The following CTNNA2 variants were observed in gnomAD, a reference collection of about 807,000 sequenced individuals.
CTNNA2 encodes the protein catenin alpha-2.
CTNNA2 carries 42 observed loss-of-function variants against 101.0 expected under a neutral mutation model. The observed-to-expected ratio is 0.42, with a 90% CI of 0.32 to 0.54. The LOEUF (loss-of-function observed/expected upper bound fraction) is 0.54, where lower values mean the gene tolerates loss of function less well. Ranked by LOEUF, CTNNA2 falls within the 20% of genes least tolerant of loss-of-function variation. CTNNA2 has a pLI of 0.14. For missense variants in CTNNA2, 871 were observed against 1,223.1 expected (o/e 0.71, Z 4.29); for synonymous variants, 450 against 456.4 (o/e 0.99, Z 0.18).
chr2:80,043,396 C>T (rs187885767), intron 7 of CTNNA2, among the ~76,000 whole-genome samples: 96 of 152,048 alleles, frequency 6.3e-4, no homozygotes, highest in Non-Finnish European at 9.4e-4. Context: ...CAGCATTTCA[C>T]CATGTTGGCC....
At chr2:79,522,349 T>C (rs1672162209) in intron 1 of CTNNA2, among the ~76,000 whole-genome samples, 1 of 152,142 alleles carries the variant, frequency 6.6e-6, no homozygotes, top group Non-Finnish European at 1.5e-5. Flanking sequence ...GAAACCACTG[T>C]TTTGAGGGGC....
chr2:79,277,902 C>T (rs1675255280), intron 2 of CTNNA2, among the ~76,000 whole-genome samples: 1 of 152,032 alleles, frequency 6.6e-6, no homozygotes, highest in African/African-American at 2.4e-5. Context: ...TGCTCCAAAG[C>T]CCTCTAGAGG....
chr2:80,252,007 T>G (rs1388241414), intron 7 of CTNNA2, among the ~76,000 whole-genome samples: 1 of 152,198 alleles, frequency 6.6e-6, no homozygotes, highest in Non-Finnish European at 1.5e-5. Flanking sequence ...GCTTGCAAAT[T>G]GTTAAATTTT....
intron 2 of CTNNA2, among the ~76,000 whole-genome samples, chr2:79,661,048 C>T (rs1323330298): frequency 1.3e-5 from 2 of 152,116 alleles, no homozygotes; most frequent in Admixed American, 6.6e-5. Flanking sequence ...GTGGTGACTG[C>T]TCTAGCTCCC....
At chr2:80,113,047 G>A (rs139851409) in intron 7 of CTNNA2, among the ~76,000 whole-genome samples, 1 of 152,262 alleles carries the variant, frequency 6.6e-6, no homozygotes, top group African/African-American at 2.4e-5. Flanking sequence ...TCATGCCCCA[G>A]TGCTGAGGTG....
At chr2:79,618,550 C>CT (rs1055620946) in intron 1 of CTNNA2, among the ~76,000 whole-genome samples, 32 of 152,290 alleles carry the variant, frequency 2.1e-4, no homozygotes, top group African/African-American at 7.0e-4. Flanking sequence ...AGGGTCACCT[C>CT]TTAAGAGATT....
chr2:80,589,186 C>G, intron 14 of CTNNA2, 118 bp from the exon 15 acceptor site: 1 of 987,166 alleles, frequency 1.0e-6, no homozygotes, highest in South Asian at 1.7e-5. Flanking sequence ...TCCGGAATGG[C>G]AGGGTAGCTC....
At chr2:80,465,072 C>G (rs1018863229) in intron 9 of CTNNA2, among the ~76,000 whole-genome samples, 3 of 152,132 alleles carry the variant, frequency 2.0e-5, no homozygotes, top group African/African-American at 7.2e-5. Context: ...GAGAGCTACT[C>G]AAAAGCAAGG....
intron 2 of CTNNA2, among the ~76,000 whole-genome samples, chr2:79,263,528 T>A (rs1280901154): frequency 4.6e-5 from 7 of 152,120 alleles, no homozygotes; most frequent in Non-Finnish European, 2.9e-5. Flanking sequence ...AAAATAAACC[T>A]CTTTTCTTTA....
In CTNNA2 at chr2:79,208,209, G is replaced by C. The variant is rs112717356; in HGVS notation, c.-406+10133G>C. Among the ~76,000 whole-genome samples, 931 of 152,290 alleles carry C rather than the reference G, an allele frequency of 6.1e-3. 8 individuals carry two copies. Among genetic ancestry groups the C allele is most frequent in the African/African-American group, 0.022 (899 of 41,562 alleles). On this transcript the variant is annotated intron_variant, in intron 2 of 21. Transcript: ENST00000466387. ...TCTCCAATTGCAATAGCCTGGGTAA[G>C]ATCATTTCCTTAATTATCCTGTGCA...
intron 9 of CTNNA2, among the ~76,000 whole-genome samples, chr2:80,456,064 C>T (rs574736489): frequency 4.4e-4 from 67 of 152,284 alleles, no homozygotes; most frequent in African/African-American, 1.6e-3. Flanking sequence ...TAATTTTACT[C>T]AAGTCTGTGA....
At chr2:80,161,015 A>G (rs537901394) in intron 7 of CTNNA2, among the ~76,000 whole-genome samples, 3 of 152,190 alleles carry the variant, frequency 2.0e-5, no homozygotes, top group African/African-American at 4.8e-5. Flanking sequence ...CTTTTTCTGC[A>G]TCAATTGATA....
At chr2:79,468,195 A>C (rs886868692) in intron 4 of CTNNA2, among the ~76,000 whole-genome samples, 53 of 152,206 alleles carry the variant, frequency 3.5e-4, no homozygotes, top group Admixed American at 5.2e-4. Context: ...TCTACCGAGC[A>C]AATGGAGAAT....
intron 7 of CTNNA2, among the ~76,000 whole-genome samples, chr2:80,293,525 G>GT (rs1675454759): frequency 6.6e-6 from 1 of 152,200 alleles, no homozygotes; most frequent in Non-Finnish European, 1.5e-5. Context: ...ATCTGCTCTT[G>GT]TAAGAGAGCA....
chr2:79,668,104 G>T (rs1467780835), intron 2 of CTNNA2, among the ~76,000 whole-genome samples: 1 of 150,996 alleles, frequency 6.6e-6, no homozygotes, highest in Non-Finnish European at 1.5e-5. Context: ...GCCGGGCGCG[G>T]TGGCGGGCGC....
intron 13 of CTNNA2, among the ~76,000 whole-genome samples, chr2:80,574,573 C>A (rs1214871889): frequency 6.6e-6 from 1 of 152,144 alleles, no homozygotes; most frequent in Non-Finnish European, 1.5e-5. Flanking sequence ...TTTCATACAA[C>A]CTTTAGGCAT....
intron 7 of CTNNA2, among the ~76,000 whole-genome samples, chr2:80,146,382 T>C (rs1486926074): frequency 6.6e-6 from 1 of 152,188 alleles, no homozygotes; most frequent in Admixed American, 6.6e-5. Flanking sequence ...AGACAGTTAC[T>C]TCTCAAAATT....
chr2:80,278,384 G>C (rs904677339), intron 7 of CTNNA2, among the ~76,000 whole-genome samples: 1 of 152,044 alleles, frequency 6.6e-6, no homozygotes, highest in East Asian at 1.9e-4. Context: ...TGCTGATCTT[G>C]GGTGGGCTCT....
chr2:80,366,548 G>A (rs544791722), intron 7 of CTNNA2, among the ~76,000 whole-genome samples: 16 of 152,198 alleles, frequency 1.1e-4, no homozygotes, highest in Non-Finnish European at 1.6e-4. Context: ...AGATCTAGCC[G>A]ATGAAGGCTG....
Sources: gnomAD v4.1 joint callset for allele counts (sites outside exome capture counted in the v4.1 genomes callset) on GRCh38, gnomAD v4.1.1 for gene constraint, MANE v1.5 for transcripts, NCBI Gene and HGNC (gene_info 2026-07-23, HGNC 2026-07-21) for gene names.